MEGF11: variants seen among roughly 807,000 people sequenced by gnomAD.
MEGF11 encodes multiple epidermal growth factor-like domains protein 11.
A neutral mutation model predicts 146.6 loss-of-function variants in MEGF11; 126 were observed. The observed-to-expected ratio is 0.86, with a 90% confidence interval of 0.74 to 1.00. The LOEUF (loss-of-function observed/expected upper bound fraction) is 1.00. Ranked by LOEUF, MEGF11 falls within the 50% of genes least tolerant of loss-of-function variation. The probability of loss-of-function intolerance (pLI) is 0.00; values close to 1 mark genes in which losing one functional copy is unlikely to be tolerated. For synonymous variants in MEGF11, 532 were observed against 583.4 expected, an observed-to-expected ratio of 0.91 and a Z score of 1.27; for missense variants, 1,509 against 1,521.2, an observed-to-expected ratio of 0.99 and a Z score of 0.13.
intron 1 of MEGF11, among the ~76,000 whole-genome samples, chr15:66,146,558 G>A (rs763605116): frequency 3.3e-5 from 5 of 152,234 alleles, no homozygotes; most frequent in Non-Finnish European, 4.4e-5. Context: ...GCTCTGCCAC[G>A]TGTGACTCAC....
At chr15:66,213,048 G>A (rs1035360219) in intron 1 of MEGF11, among the ~76,000 whole-genome samples, 8 of 152,164 alleles carry the variant, frequency 5.3e-5, no homozygotes, top group African/African-American at 1.7e-4. Context: ...GACAAAGGAC[G>A]GGCAGAAAGG....
At chr15:66,095,089 C>T (rs1423522327) in intron 4 of MEGF11, among the ~76,000 whole-genome samples, 1 of 152,148 alleles carries the variant, frequency 6.6e-6, no homozygotes, top group Non-Finnish European at 1.5e-5. Context: ...GAGACATCCA[C>T]GATGATGATA....
chr15:66,137,608 G>A (rs923189091), intron 1 of MEGF11, among the ~76,000 whole-genome samples: 4 of 150,124 alleles, frequency 2.7e-5, no homozygotes, highest in African/African-American at 9.8e-5. Context: ...GCTGGAGTGC[G>A]GTGGCACGGT....
intron 1 of MEGF11, among the ~76,000 whole-genome samples, chr15:66,188,414 A>G (rs2090771611): frequency 6.6e-6 from 1 of 151,862 alleles, no homozygotes; most frequent in African/African-American, 2.4e-5. Context: ...AAACCTTGCC[A>G]GGTTACAGCC....
At chr15:66,078,686 G>C (rs2140518924) in intron 5 of MEGF11, among the ~76,000 whole-genome samples, 1 of 152,302 alleles carries the variant, frequency 6.6e-6, no homozygotes, top group South Asian at 2.1e-4. Flanking sequence ...TGGAAGTGCA[G>C]GTCCTTTTCA....
chr15:65,999,973 T>C (rs1363654721), intron 5 of MEGF11, among the ~76,000 whole-genome samples: 2 of 152,106 alleles, frequency 1.3e-5, no homozygotes, highest in Non-Finnish European at 2.9e-5. Context: ...AAAGGGGCAG[T>C]GCACAGGGAA....
chr15:66,123,291 G>A (rs1247422781), intron 3 of MEGF11, among the ~76,000 whole-genome samples: 3 of 152,200 alleles, frequency 2.0e-5, no homozygotes, highest in Non-Finnish European at 4.4e-5. Context: ...GCCTGGTCAA[G>A]GTGCCGAGAG....
chr15:66,056,379 T>C (rs1457377681), intron 5 of MEGF11, among the ~76,000 whole-genome samples: 1 of 152,164 alleles, frequency 6.6e-6, no homozygotes, highest in Non-Finnish European at 1.5e-5. Flanking sequence ...GTCAGCATTG[T>C]TGTGAGGATT....
intron 19 of MEGF11, among the ~76,000 whole-genome samples, chr15:65,915,209 A>T (rs896265350): frequency 1.3e-5 from 2 of 152,220 alleles, no homozygotes; most frequent in Non-Finnish European, 2.9e-5. Flanking sequence ...TGGCCTTTCC[A>T]TAGTACTAGC....
chr15:66,208,703 G>A (rs940989420), intron 1 of MEGF11, among the ~76,000 whole-genome samples: 1 of 152,020 alleles, frequency 6.6e-6, no homozygotes, highest in Middle Eastern at 3.4e-3. Flanking sequence ...CCAACATGGC[G>A]AAACCCCGTC....
At chr15:65,995,767 A>G (rs899888000) in intron 5 of MEGF11, among the ~76,000 whole-genome samples, 4 of 152,178 alleles carry the variant, frequency 2.6e-5, no homozygotes, top group African/African-American at 9.7e-5. Context: ...ATGATATTCA[A>G]ATGACTTCCT....
At chr15:66,089,364 G>C (rs1425268191) in intron 5 of MEGF11, among the ~76,000 whole-genome samples, 1 of 152,176 alleles carries the variant, frequency 6.6e-6, no homozygotes, top group East Asian at 1.9e-4. Context: ...CCTGCACTTT[G>C]TCCTAAGTGC....
At chr15:66,127,481 C>G (rs968972253) in intron 2 of MEGF11, among the ~76,000 whole-genome samples, 1 of 152,204 alleles carries the variant, frequency 6.6e-6, no homozygotes, top group African/African-American at 2.4e-5. Context: ...GAAGCACGGA[C>G]CCCCGCTCCG....
intron 1 of MEGF11, among the ~76,000 whole-genome samples, chr15:66,192,673 C>T (rs1435986036): frequency 6.6e-6 from 1 of 152,082 alleles, no homozygotes; most frequent in Admixed American, 6.5e-5. Flanking sequence ...GCCCCTTAAC[C>T]ACCACTATAT....
At chr15:65,988,050 C>G (rs1470895014) in intron 5 of MEGF11, among the ~76,000 whole-genome samples, 1 of 149,078 alleles carries the variant, frequency 6.7e-6, no homozygotes, top group Non-Finnish European at 1.5e-5. Context: ...CTCTGTCCCC[C>G]AGGCTGGAGT....
chr15:66,124,537 C>T (rs763087282), intron 2 of MEGF11, among the ~76,000 whole-genome samples: 2 of 152,202 alleles, frequency 1.3e-5, no homozygotes, highest in African/African-American at 2.4e-5. Context: ...TGTTTCAATA[C>T]GTTTCATTCC....
chr15:66,206,963 G>C (rs2140112191), intron 1 of MEGF11, among the ~76,000 whole-genome samples: 1 of 152,218 alleles, frequency 6.6e-6, no homozygotes, highest in Non-Finnish European at 1.5e-5. Flanking sequence ...TGAGCAGCCA[G>C]AAGAAAGAAT....
intron 1 of MEGF11, among the ~76,000 whole-genome samples, chr15:66,225,032 CGT>C (rs1401609377): frequency 6.6e-6 from 1 of 152,196 alleles, no homozygotes; most frequent in Non-Finnish European, 1.5e-5. Context: ...AAGAACACGG[CGT>C]GTGTGGTCTG....
intron 5 of MEGF11, among the ~76,000 whole-genome samples, chr15:66,007,038 A>C (rs944092860): frequency 2.0e-5 from 3 of 152,248 alleles, no homozygotes; most frequent in Non-Finnish European, 4.4e-5. Context: ...AGTGGCTAAC[A>C]GCAAGGCTAA....
Sources: gnomAD v4.1 joint callset for allele counts (sites outside exome capture counted in the v4.1 genomes callset) on GRCh38, gnomAD v4.1.1 for gene constraint, MANE v1.5 for transcripts, NCBI Gene and HGNC (gene_info 2026-07-23, HGNC 2026-07-21) for gene names.